Variants in PCDHA3 observed in about 807,000 individuals in gnomAD.
The protein encoded by PCDHA3 is protocadherin alpha-3.
PCDHA3 carries 41 observed loss-of-function variants against 62.2 expected under a neutral mutation model. The ratio of observed to expected loss-of-function variants is 0.66; its 90% CI spans 0.51 to 0.86. The LOEUF is 0.86. PCDHA3 is among the 40% of genes least tolerant of loss of function. PCDHA3 has a pLI of 0.00. For synonymous variants in PCDHA3, 640 were observed against 555.4 expected (o/e 1.15, Z -2.14); for missense variants, 1,304 against 1,241.2 (o/e 1.05, Z -0.76).
At chr5:140,822,547 A>T (rs61730633) in intron 1 of PCDHA3, 2 of 1,613,680 alleles carry the variant, frequency 1.2e-6, no homozygotes, top group Non-Finnish European at 1.7e-6. Context: ...ACCAAGTGGG[A>T]CATTAGTTAT....
intron 1 of PCDHA3, chr5:140,857,310 A>C (rs781828328): frequency 6.3e-7 from 1 of 1,598,608 alleles, no homozygotes; most frequent in Admixed American, 1.7e-5. Flanking sequence ...TCGGCCTATG[A>C]GCTGGTGGTG....
At chr5:140,830,269 A>G (rs2150183853) in intron 1 of PCDHA3, 5 of 1,613,514 alleles carry the variant, frequency 3.1e-6, no homozygotes, top group Admixed American at 1.7e-5. Flanking sequence ...GCTCGGCGCC[A>G]CCCACCGAGG....
chr5:140,877,531 G>C, intron 1 of PCDHA3: 1 of 1,613,792 alleles, frequency 6.2e-7, no homozygotes, highest in Non-Finnish European at 8.5e-7. Context: ...AGTGGGCGCT[G>C]TGGATCCCGA....
chr5:140,852,028 T>A, intron 1 of PCDHA3: 1 of 943,108 alleles, frequency 1.1e-6, no homozygotes, highest in Non-Finnish European at 1.3e-6. Context: ...AAACTTCGCT[T>A]ATTGAGTTTT....
chr5:140,937,195 G>A lies in PCDHA3; in HGVS notation c.2395-41754G>A, dbSNP rs371063672. On this transcript the variant is annotated intron_variant, in intron 1 of 3. Coordinates refer to ENST00000522353, the MANE Select transcript of PCDHA3 (RefSeq NM_018906.3). ...TGGGACTACAGGCGCCCGCCACCAT[G>A]CCCGGCTAATTTTTTGTATTTTTTG... Among the ~76,000 whole-genome samples the A allele has an allele frequency of 1.5e-3, 231 of 151,994 alleles. 5 individuals are homozygous for A. The South Asian group carries it at 0.033, about 22-fold the overall frequency.
At chr5:140,877,357 G>A in intron 1 of PCDHA3, 2 of 1,614,020 alleles carry the variant, frequency 1.2e-6, no homozygotes, top group African/African-American at 2.7e-5. Flanking sequence ...GCTGTACACT[G>A]GCGAGATCAG....
intron 1 of PCDHA3, chr5:140,849,848 C>G (rs1554143388): frequency 1.9e-6 from 3 of 1,598,430 alleles, no homozygotes; most frequent in African/African-American, 1.3e-5. Flanking sequence ...TGAACGACAA[C>G]GCACCAGCGT....
At chr5:140,905,766 A>G (rs782122019) in intron 1 of PCDHA3, among the ~76,000 whole-genome samples, 15 of 152,144 alleles carry the variant, frequency 9.9e-5, no homozygotes, top group African/African-American at 2.7e-4. Flanking sequence ...GGTTAAGTAT[A>G]TTCCGAAGTG....
chr5:140,838,316 G>A (rs1775677807), intron 1 of PCDHA3, among the ~76,000 whole-genome samples: 1 of 146,606 alleles, frequency 6.8e-6, no homozygotes, highest in Non-Finnish European at 1.5e-5. Context: ...TAGAAACAGA[G>A]TTTCACCATG....
At chr5:140,870,778 G>GACA (rs2052395482) in intron 1 of PCDHA3, 1 of 1,613,502 alleles carries the variant, frequency 6.2e-7, no homozygotes, top group Non-Finnish European at 8.5e-7. Flanking sequence ...GGACGAGAAC[G>GACA]ACAACGCGCC....
intron 1 of PCDHA3, chr5:140,835,816 C>G (rs1554135300): frequency 6.2e-7 from 1 of 1,612,730 alleles, no homozygotes; most frequent in Non-Finnish European, 8.5e-7. Flanking sequence ...TTCACTGTGT[C>G]GGCGGGGGAC....
chr5:141,008,323 A>C lies in PCDHA3; in HGVS notation c.2543-1304A>C, dbSNP rs2098370005. ...CCCTAAACTGTAATTGAACATAAACAGTTTATTTGATGGAGCTTTTCACGT... is the reference window on the plus strand; with the variant it reads ...CCCTAAACTGTAATTGAACATAAACCGTTTATTTGATGGAGCTTTTCACGT... On this transcript the variant is annotated intron_variant, in intron 3 of 3. Transcript: ENST00000522353. 2.0e-5 allele frequency among the ~76,000 whole-genome samples: 3 copies of C among 152,242 alleles called. No individual in the cohort carries two copies. The South Asian group carries it at 6.2e-4, about 32-fold the overall frequency.
intron 1 of PCDHA3, chr5:140,966,244 G>C (rs1302762597): frequency 3.2e-6 from 1 of 315,708 alleles, no homozygotes; most frequent in Non-Finnish European, 5.7e-6. Context: ...CGTTAAGCAG[G>C]GGAGAGACGG....
intron 1 of PCDHA3, among the ~76,000 whole-genome samples, chr5:140,880,055 C>G (rs1024788960): frequency 1.3e-5 from 2 of 152,146 alleles, no homozygotes; most frequent in Admixed American, 6.5e-5. Flanking sequence ...GTGGGCATAA[C>G]TTTTTGGGGA....
intron 1 of PCDHA3, among the ~76,000 whole-genome samples, chr5:140,922,406 G>C (rs1411149387): frequency 9.8e-5 from 15 of 152,288 alleles, no homozygotes; most frequent in African/African-American, 3.6e-4. Flanking sequence ...GGATTAAAAA[G>C]ATCTAGGTAC....
chr5:140,801,905 C>G lies in PCDHA3; in HGVS notation c.708C>G (p.Asn236Lys), dbSNP rs1389986057. 6.2e-7 allele frequency: 1 copy of G among 1,614,020 alleles called. No individual in the cohort carries two copies. Among genetic ancestry groups the G allele is most frequent in the Non-Finnish European group, 8.5e-7 (1 of 1,180,038 alleles). The change falls in exon 1 of 4, where the codon AAC (asparagine) becomes AAG (lysine). Residue 236 changes from asparagine to lysine, a missense_variant. By Grantham distance (94) the Asn-to-Lys change is moderately conservative (BLOSUM62 0). Coordinates refer to ENST00000522353, the MANE Select transcript of PCDHA3 (RefSeq NM_018906.3). ...TQLKITVLDV[N>K]DNAPAFERTI... ...TAAAGATCACTGTTTTAGATGTAAACGACAACGCCCCAGCGTTTGAGAGGA... is the reference window on the plus strand; with the variant it reads ...TAAAGATCACTGTTTTAGATGTAAAGGACAACGCCCCAGCGTTTGAGAGGA...
chr5:140,806,241 A>T (rs187070111), intron 1 of PCDHA3, among the ~76,000 whole-genome samples: 85 of 152,330 alleles, frequency 5.6e-4, no homozygotes, highest in African/African-American at 1.9e-3. Flanking sequence ...TGTTTATTAA[A>T]AAAAGCTATT....
intron 1 of PCDHA3, among the ~76,000 whole-genome samples, chr5:140,898,180 G>T (rs1216288813): frequency 6.6e-6 from 1 of 152,128 alleles, no homozygotes; most frequent in Non-Finnish European, 1.5e-5. Context: ...CTGTGCAGAA[G>T]CTCTTTAGTT....
chr5:140,843,170 A>C lies in PCDHA3; in HGVS notation c.2394+39579A>C, dbSNP rs781918147. Reference sequence around the variant, plus strand: ...GTATGAGCTGCAGCCAGCTGCAAGCAGCCCTCGCATCCCGTTCCGCGTGGG... The same window carrying C: ...GTATGAGCTGCAGCCAGCTGCAAGCCGCCCTCGCATCCCGTTCCGCGTGGG... On this transcript the variant is annotated intron_variant, in intron 1 of 3. Coordinates refer to ENST00000522353, the MANE Select transcript of PCDHA3 (RefSeq NM_018906.3). 12 of 1,595,956 alleles carry C rather than the reference A, an allele frequency of 7.5e-6. 1 individual carries two copies. The highest frequency in any genetic ancestry group is 8.6e-6 in the Non-Finnish European group (10 of 1,165,596).
Sources: gnomAD v4.1 joint callset for allele counts (sites outside exome capture counted in the v4.1 genomes callset) on GRCh38, gnomAD v4.1.1 for gene constraint, MANE v1.5 for transcripts, NCBI Gene and HGNC (gene_info 2026-07-23, HGNC 2026-07-21) for gene names.